Variants in PDE4D observed in about 807,000 individuals in gnomAD.
PDE4D encodes 3',5'-cyclic-AMP phosphodiesterase 4D.
Under a neutral mutation model 87.4 loss-of-function variants are expected in PDE4D, and 24 were observed. The ratio of observed to expected loss-of-function variants is 0.27; its 90% CI spans 0.20 to 0.39. PDE4D has a LOEUF of 0.39. Ranked by LOEUF, PDE4D falls within the 10% of genes least tolerant of loss-of-function variation. The pLI is 1.00. For synonymous variants in PDE4D, 384 were observed against 383.2 expected (o/e 1.00, Z -0.02); for missense variants, 714 against 1,041.0 (o/e 0.69, Z 4.32).
At chr5:60,186,609 T>C (rs1260790676) in intron 1 of PDE4D, among the ~76,000 whole-genome samples, 2 of 152,202 alleles carry the variant, frequency 1.3e-5, no homozygotes, top group East Asian at 3.9e-4. Flanking sequence ...AACTCTGATA[T>C]TGCAGGTTTA....
At chr5:59,951,608 G>C (rs1360175101) in intron 3 of PDE4D, among the ~76,000 whole-genome samples, 1 of 152,136 alleles carries the variant, frequency 6.6e-6, no homozygotes, top group African/African-American at 2.4e-5. Context: ...TTCAGTCTTT[G>C]CAATGACATT....
intron 2 of PDE4D, among the ~76,000 whole-genome samples, chr5:60,142,272 GAAGA>G (rs1465624058): frequency 1.3e-5 from 2 of 151,978 alleles, no homozygotes; most frequent in Non-Finnish European, 2.9e-5. Flanking sequence ...AAAGGAGAGA[GAAGA>G]AAGAAAGATT....
intron 1 of PDE4D, among the ~76,000 whole-genome samples, chr5:59,429,958 T>G (rs1482279459): frequency 6.6e-6 from 1 of 152,188 alleles, no homozygotes; most frequent in Non-Finnish European, 1.5e-5. Flanking sequence ...GCATCTGGTA[T>G]AAACAGCCAT....
At chr5:59,015,710 G>A (rs1049497009) in intron 6 of PDE4D, among the ~76,000 whole-genome samples, 1 of 152,212 alleles carries the variant, frequency 6.6e-6, no homozygotes, top group Non-Finnish European at 1.5e-5. Context: ...GTGGAAGACA[G>A]TGTGGCAATT....
chr5:59,269,575 G>C (rs187264748), intron 1 of PDE4D, among the ~76,000 whole-genome samples: 3 of 152,116 alleles, frequency 2.0e-5, no homozygotes, highest in East Asian at 3.9e-4. Flanking sequence ...GAGTAAAACT[G>C]TAAGTGATCT....
chr5:60,183,040 C>T (rs899817384), intron 2 of PDE4D, among the ~76,000 whole-genome samples: 13 of 152,096 alleles, frequency 8.5e-5, no homozygotes, highest in African/African-American at 2.7e-4. Context: ...AGGTGGGGCC[C>T]TAATGATGGG....
At chr5:59,922,766 C>T (rs1207655193) in intron 3 of PDE4D, among the ~76,000 whole-genome samples, 1 of 151,918 alleles carries the variant, frequency 6.6e-6, no homozygotes, top group African/African-American at 2.4e-5. Context: ...AGGTGTGACC[C>T]AGAACATTCC....
rs142112433 is a variant in PDE4D, at chr5:59,251,657, C to T, written c.456-35689G>A. 7.5e-3 allele frequency among the ~76,000 whole-genome samples: 1,149 copies of T among 152,236 alleles called. 8 individuals carry two copies. The highest frequency in any genetic ancestry group is 0.011 in the Non-Finnish European group (775 of 68,006). ...GCTAAGAGCAGAACTACCGTTTGAC[C>T]ATGCAATCCTATTACTGGGCATATT... On this transcript the variant is annotated intron_variant, in intron 1 of 14. Coordinates refer to ENST00000340635, the MANE Select transcript of PDE4D (RefSeq NM_001104631.2).
chr5:59,768,382 G>A (rs1299703611), intron 1 of PDE4D: 2 of 1,598,242 alleles, frequency 1.3e-6, no homozygotes, highest in African/African-American at 2.7e-5. Flanking sequence ...CGCTGTCTTG[G>A]ACTTCTCATG....
At chr5:60,064,239 C>T (rs1048647730) in intron 2 of PDE4D, among the ~76,000 whole-genome samples, 1 of 151,598 alleles carries the variant, frequency 6.6e-6, no homozygotes, top group African/African-American at 2.4e-5. Flanking sequence ...AAAGAATGCT[C>T]GAAATAATTT....
At chr5:60,520,149 T>A (rs1366399618) in intron 1 of PDE4D, among the ~76,000 whole-genome samples, 7 of 152,238 alleles carry the variant, frequency 4.6e-5, no homozygotes, top group Non-Finnish European at 1.5e-5. Flanking sequence ...TTGTGCAATG[T>A]ACAGACATAG....
chr5:60,301,658 A>G (rs116128241), intron 1 of PDE4D, among the ~76,000 whole-genome samples: 5,047 of 152,274 alleles, frequency 0.033, 124 homozygotes, highest in Middle Eastern at 0.085. Context: ...AAACAAAGAT[A>G]ACTGGACTTC....
Position 58,975,805 on chromosome 5 carries a change from C to A in PDE4D, c.1865G>T (p.Ser622Ile). ...CAGCTGGAGAGGCTTTGTTGGGTTG[C>A]TCAGATCTGCACAGTGCACCATATT... The part of the protein sequence containing the change: ...LQNMVHCADL[S>I]NPTKPLQLYR... Residue 622 changes from serine (S) to isoleucine (I), a missense_variant, in exon 14 of 15, where the codon AGC (serine) becomes ATC (isoleucine). Physicochemically the swap from Ser to Ile is moderately radical, Grantham distance 142. This residue lies in a region of PDE4D where 97 missense variants were observed against 176.9 expected (regional missense o/e 0.55). Transcript: ENST00000340635. The surrounding 1 kb of genome is among the most constrained non-coding windows in gnomAD (Gnocchi z 4.2). 1 of 1,608,632 alleles carries A rather than the reference C, an allele frequency of 6.2e-7. No individual in the cohort carries two copies. Among genetic ancestry groups the A allele is most frequent in the Non-Finnish European group, 8.5e-7 (1 of 1,177,212 alleles).
chr5:60,245,188 G>A (rs768069524), intron 1 of PDE4D, among the ~76,000 whole-genome samples: 22 of 151,718 alleles, frequency 1.5e-4, no homozygotes, highest in Non-Finnish European at 2.5e-4. Context: ...TATATGAAAA[G>A]GTGCTCAACA....
intron 6 of PDE4D, among the ~76,000 whole-genome samples, chr5:59,017,561 T>C (rs1754285320): frequency 6.6e-6 from 1 of 152,162 alleles, no homozygotes; most frequent in African/African-American, 2.4e-5. Flanking sequence ...TTCACAGAGT[T>C]CAGGATAAGA....
At chr5:60,285,036 C>G (rs1441723953) in intron 1 of PDE4D, among the ~76,000 whole-genome samples, 1 of 151,990 alleles carries the variant, frequency 6.6e-6, no homozygotes, top group South Asian at 2.1e-4. Context: ...ACTTGAGAAG[C>G]AATCTAAGAA....
intron 3 of PDE4D, among the ~76,000 whole-genome samples, chr5:59,969,560 C>A (rs548343691): frequency 6.6e-6 from 1 of 152,256 alleles, no homozygotes; most frequent in Admixed American, 6.5e-5. Context: ...TGAAATACTT[C>A]TTGACATGGT....
At chr5:60,282,153 T>C (rs1364594595) in intron 1 of PDE4D, among the ~76,000 whole-genome samples, 1 of 149,922 alleles carries the variant, frequency 6.7e-6, no homozygotes, top group African/African-American at 2.5e-5. Flanking sequence ...GATTCTGTGA[T>C]ACAGAAATTC....
intron 3 of PDE4D, among the ~76,000 whole-genome samples, chr5:59,916,452 T>C (rs1267971435): frequency 6.6e-6 from 1 of 152,166 alleles, no homozygotes; most frequent in Non-Finnish European, 1.5e-5. Flanking sequence ...CAGTGAACAA[T>C]AAGACATATA....
Sources: allele counts gnomAD v4.1 joint callset (sites outside exome capture counted in the v4.1 genomes callset), GRCh38; gene constraint gnomAD v4.1.1; regional missense constraint gnomAD v4.1.1; non-coding constraint Gnocchi (gnomAD v3.1); transcripts MANE v1.5; gene names NCBI Gene and HGNC (gene_info 2026-07-23, HGNC 2026-07-21).